Variants in COG4 observed in about 807,000 individuals in gnomAD.
The protein encoded by COG4 is component of oligomeric golgi complex 4.
Under a neutral mutation model 95.1 loss-of-function variants are expected in COG4, and 65 were observed. The observed-to-expected ratio is 0.68, with a 90% CI of 0.56 to 0.84. COG4 has a LOEUF of 0.84. COG4 is among the 40% of genes least tolerant of loss of function. The pLI, the probability that COG4 is intolerant of heterozygous loss-of-function variation, is 0.00. For missense variants in COG4, 1,045 were observed against 989.1 expected, an observed-to-expected ratio of 1.06 and a Z score of -0.76; for synonymous variants, 421 against 374.8, an observed-to-expected ratio of 1.12 and a Z score of -1.42.
chr16:70,499,215 TGAGA>T (rs2049399829), intron 9 of COG4, among the ~76,000 whole-genome samples: 1 of 152,116 alleles, frequency 6.6e-6, no homozygotes. Flanking sequence ...AGAATCCAGC[TGAGA>T]AAGATGAATT....
At position 70,481,479 on chromosome 16, in the gene COG4, A is replaced by G. The variant is rs149140911; in HGVS notation, c.2115T>C (p.Gly705=). ...ACCTCAGCTCCTTGTCAAACTGCAG[A>G]CCACCCAGCTGCAGGAGAACCCAAG... The part of the protein sequence containing the change: ...VLKSTFNRLG[G]LQFDKELRSL... Residue 705 remains glycine, a synonymous_variant, in exon 18 of 19, where the codon GGT becomes GGC. Coordinates refer to ENST00000323786, the MANE Select transcript of COG4 (RefSeq NM_015386.3). The G allele has an allele frequency of 2.2e-5, 36 of 1,611,860 alleles. No individual in the cohort carries two copies. Among genetic ancestry groups the G allele is most frequent in the Non-Finnish European group, 3.0e-5 (35 of 1,179,980 alleles).
At chr16:70,498,995 G>A (rs944690411) in intron 9 of COG4, among the ~76,000 whole-genome samples, 2 of 152,094 alleles carry the variant, frequency 1.3e-5, no homozygotes, top group Admixed American at 6.5e-5. Context: ...CGCGAGGATC[G>A]CTTGGGTCCA....
At chr16:70,499,553 A>T (rs968994832) in intron 9 of COG4, among the ~76,000 whole-genome samples, 4 of 152,126 alleles carry the variant, frequency 2.6e-5, no homozygotes, top group Non-Finnish European at 4.4e-5. Context: ...ATTTTTTTAA[A>T]TTTTTTTCCT....
At chr16:70,483,030 ACCCCTTCCCTCTCCTCT>A (rs2049038547) in intron 14 of COG4, among the ~76,000 whole-genome samples, 1 of 25,168 alleles carries the variant, frequency 4.0e-5, no homozygotes, top group Non-Finnish European at 7.2e-5. Context: ...TCCTCTCCCC[ACCCCTTCCCTCTCCTCT>A]CCCCACTCCT....
intron 3 of COG4, chr16:70,515,862 T>A (rs1023739924): frequency 5.3e-6 from 2 of 379,080 alleles, no homozygotes; most frequent in Non-Finnish European, 1.0e-5. Context: ...TAGGACAGGG[T>A]CTTACTGTGT....
intron 12 of COG4, among the ~76,000 whole-genome samples, chr16:70,495,950 G>A (rs2049331503): frequency 6.6e-6 from 1 of 152,228 alleles, no homozygotes; most frequent in South Asian, 2.1e-4. Context: ...GGTAGAGCTG[G>A]TTCTGTGGCA....
At chr16:70,487,659 T>TTG (rs1012956440) in intron 13 of COG4, among the ~76,000 whole-genome samples, 39 of 152,202 alleles carry the variant, frequency 2.6e-4, no homozygotes, top group African/African-American at 8.9e-4. Flanking sequence ...GTTGTACAAG[T>TTG]GTTCACTGTG....
chr16:70,490,228 A>G (rs1422063634), intron 13 of COG4, 102 bp downstream of exon 13: 8 of 978,894 alleles, frequency 8.2e-6, no homozygotes, highest in Middle Eastern at 2.1e-4. Context: ...GTGTGGCTCA[A>G]TGTCACCAAG....
Position 70,483,845 on chromosome 16 carries a change from G to T in COG4, c.1827+8C>A. On this transcript the variant is annotated splice_region_variant and intron_variant, in intron 14 of 18. Coordinates refer to ENST00000323786, the MANE Select transcript of COG4 (RefSeq NM_015386.3). ...AGGATTCAGTCAGCAGTTGAACCTGGGGCTTACCTGCAAGAGGTCTCGGAA... is the reference window on the plus strand; with the variant it reads ...AGGATTCAGTCAGCAGTTGAACCTGTGGCTTACCTGCAAGAGGTCTCGGAA... 1 of 1,598,158 alleles carries T rather than the reference G, an allele frequency of 6.3e-7. No individual in the cohort carries two copies.
intron 1 of COG4, 108 bp from the exon 2 acceptor site, chr16:70,519,839 T>G (rs2049898203): frequency 3.7e-6 from 3 of 806,902 alleles, no homozygotes; most frequent in African/African-American, 1.7e-5. Flanking sequence ...AAGTCCTTTT[T>G]TCCTTCCACT....
intron 9 of COG4, 116 bp from the exon 10 acceptor site, chr16:70,498,171 C>T: frequency 1.4e-6 from 1 of 715,234 alleles, no homozygotes; most frequent in Non-Finnish European, 2.6e-6. Flanking sequence ...ACATATTTTA[C>T]ATCGTTACAA....
chr16:70,508,527 G>A (rs1402821527), intron 7 of COG4, 63 bp from the exon 8 acceptor site: 4 of 1,429,074 alleles, frequency 2.8e-6, no homozygotes, highest in Non-Finnish European at 4.0e-6. Flanking sequence ...GCCTCTTGCT[G>A]GTCACTCCAA....
Position 70,514,513 on chromosome 16 carries a change from CA to C in COG4, c.370-5del, listed in dbSNP as rs1567394977. 6.2e-7 allele frequency: 1 copy of C among 1,613,622 alleles called. No individual in the cohort carries two copies. On this transcript the variant is annotated splice_region_variant and splice_polypyrimidine_tract_variant and intron_variant, in intron 3 of 18. Coordinates refer to ENST00000323786, the MANE Select transcript of COG4 (RefSeq NM_015386.3). ...GAATGGCCTGATAGAGGCGGTTCTG[CA>C]AAAAGATTTGGTACTTACAAACAAT... is the stretch of plus-strand genomic sequence containing the variant.
At chr16:70,505,148 G>A (rs1242669018) in intron 8 of COG4, among the ~76,000 whole-genome samples, 2 of 150,296 alleles carry the variant, frequency 1.3e-5, no homozygotes, top group East Asian at 2.0e-4. Context: ...TGGCACATGT[G>A]TACTCAGTAA....
At chr16:70,505,623 A>T in intron 8 of COG4, among the ~76,000 whole-genome samples, 1 of 149,206 alleles carries the variant, frequency 6.7e-6, no homozygotes, top group Non-Finnish European at 1.5e-5. Flanking sequence ...AGGTCAGGAG[A>T]TCGAGACCAT....
intron 8 of COG4, among the ~76,000 whole-genome samples, chr16:70,504,609 T>TAAAAAA (rs66751123): frequency 2.5e-5 from 3 of 121,978 alleles, no homozygotes; most frequent in African/African-American, 1.1e-4. Context: ...AGATTCTATT[T>TAAAAAA]AAAAAAAAAA....
chr16:70,497,974 G>A lies in COG4; in HGVS notation c.1277C>T (p.Thr426Ile). The change falls in exon 10 of 19, where the codon ACC (threonine) becomes ATC (isoleucine). Residue 426 changes from threonine to isoleucine, a missense_variant. Coordinates refer to ENST00000323786, the MANE Select transcript of COG4 (RefSeq NM_015386.3). ...CTCCCTCATGAAGTACTCCTCCATG[G>A]TAACATATAAGCCAATTAGCTCCTG... ...TMQELIGLYV[T>I]MEEYFMRETV... 6.2e-7 allele frequency: 1 copy of A among 1,611,680 alleles called. No homozygotes were observed.
chr16:70,505,601 G>A (rs1303916498), intron 8 of COG4, among the ~76,000 whole-genome samples: 4 of 151,222 alleles, frequency 2.6e-5, no homozygotes, highest in Non-Finnish European at 4.4e-5. Flanking sequence ...GGCTGAAGGC[G>A]GGCAGATCAT....
chr16:70,482,066 A>G, intron 16 of COG4, 26 bp downstream of exon 16: 2 of 1,584,976 alleles, frequency 1.3e-6, no homozygotes, highest in Non-Finnish European at 1.7e-6. Flanking sequence ...TAATTCCCTA[A>G]GTGGATCCCT....
Sources: allele counts gnomAD v4.1 joint callset (sites outside exome capture counted in the v4.1 genomes callset), GRCh38; gene constraint gnomAD v4.1.1; transcripts MANE v1.5; gene names NCBI Gene and HGNC (gene_info 2026-07-23, HGNC 2026-07-21).